DNAH9: variants seen among roughly 807,000 people sequenced by gnomAD.
DNAH9 encodes the protein DNAH9 variant protein.
A neutral mutation model predicts 471.6 loss-of-function variants in DNAH9; 345 were observed. That is an observed-to-expected ratio of 0.73 (90% CI 0.67 to 0.80). DNAH9 has a LOEUF of 0.80. Among genes scored for constraint, DNAH9 ranks in the 30% least tolerant of loss-of-function variants. The pLI, the probability that DNAH9 is intolerant of heterozygous loss-of-function variation, is 0.00. For missense variants in DNAH9, 5,407 were observed against 5,609.2 expected (o/e 0.96, Z 1.15); for synonymous variants, 2,093 against 2,123.6 (o/e 0.99, Z 0.40).
chr17:11,763,722 T>C, intron 36 of DNAH9, 108 bp downstream of exon 36: 1 of 1,099,834 alleles, frequency 9.1e-7, no homozygotes, highest in Non-Finnish European at 1.3e-6. Context: ...AGAATGGACT[T>C]GAAAGCAGCA....
At chr17:11,781,317 C>T in intron 39 of DNAH9, 143 bp downstream of exon 39, 1 of 863,238 alleles carries the variant, frequency 1.2e-6, no homozygotes, top group East Asian at 2.8e-5. Flanking sequence ...CCACATTTCT[C>T]ATTCAATTCT....
chr17:11,619,401 A>C, intron 5 of DNAH9, 147 bp from the exon 6 acceptor site: 1 of 638,490 alleles, frequency 1.6e-6, no homozygotes, highest in Admixed American at 2.6e-5. Context: ...GTCGCAGTCC[A>C]CATGTGGAAT....
At chr17:11,834,347 A>AGAAG (rs1363335391) in intron 48 of DNAH9, among the ~76,000 whole-genome samples, 5 of 149,010 alleles carry the variant, frequency 3.4e-5, no homozygotes, top group African/African-American at 1.0e-4. Flanking sequence ...AAAAAAAAAA[A>AGAAG]AAGAAGAAGA....
rs1316295228 is a variant in DNAH9 at position 11,869,168 on chromosome 17, G to A, written c.9968G>A (p.Arg3323Lys). The A allele has an allele frequency of 6.2e-7, 1 of 1,613,782 alleles. No individual in the cohort carries two copies. The highest frequency in any genetic ancestry group is 1.1e-5 in the South Asian group (1 of 91,028). Residue 3323 changes from arginine (R) to lysine (K), a missense_variant, in exon 51 of 69, where the codon AGG becomes AAG. Arg to Lys is a conservative substitution (Grantham distance 26, BLOSUM62 2). Around this residue, in one of 3 missense-constraint regions of DNAH9, gnomAD observed 4,636 missense variants for 4,900.3 expected, o/e 0.95. Coordinates refer to ENST00000262442, the MANE Select transcript of DNAH9 (RefSeq NM_001372.4). Reference sequence around the variant, plus strand: ...GAAAACCTGGCAAAGCTCACAGCCAGGTTTGAGAAAGCAACAGCAGACAAA... The same window carrying A: ...GAAAACCTGGCAAAGCTCACAGCCAAGTTTGAGAAAGCAACAGCAGACAAA... ...LNENLAKLTARFEKATADKLK... is the reference protein window; with the variant it reads ...LNENLAKLTAKFEKATADKLK...
intron 28 of DNAH9, among the ~76,000 whole-genome samples, chr17:11,734,598 C>T (rs1354530617): frequency 3.9e-5 from 6 of 152,156 alleles, no homozygotes; most frequent in African/African-American, 7.2e-5. Context: ...TCTCCAGGCC[C>T]GGTGGGGCAG....
At chr17:11,631,031 G>A (rs1157351843) in intron 7 of DNAH9, among the ~76,000 whole-genome samples, 9 of 152,158 alleles carry the variant, frequency 5.9e-5, no homozygotes, top group Admixed American at 5.9e-4. Context: ...GTGACTTGGG[G>A]AGGTATAAGT....
At chr17:11,826,698 G>A (rs1488491065) in intron 48 of DNAH9, among the ~76,000 whole-genome samples, 1 of 150,998 alleles carries the variant, frequency 6.6e-6, no homozygotes, top group South Asian at 2.1e-4. Flanking sequence ...TCCTGACCTC[G>A]TGATCCGCCC....
At chr17:11,959,842 C>G (rs1975931058) in intron 67 of DNAH9, among the ~76,000 whole-genome samples, 1 of 152,148 alleles carries the variant, frequency 6.6e-6, no homozygotes, top group Non-Finnish European at 1.5e-5. Context: ...GTAATAAAGT[C>G]CTGTTACTTG....
chr17:11,882,972 C>A, intron 55 of DNAH9: 1 of 985,470 alleles, frequency 1.0e-6, no homozygotes, highest in Non-Finnish European at 1.2e-6. Context: ...GTTCTTCCCA[C>A]GAATCCAAAG....
rs79865089 is a variant in DNAH9, at chr17:11,840,751, G to A, written c.9507+5853G>A. Among the ~76,000 whole-genome samples, 1,361 of 152,284 alleles carry A rather than the reference G, an allele frequency of 8.9e-3. 17 individuals are homozygous for A. The highest frequency in any genetic ancestry group is 0.03 in the African/African-American group (1,245 of 41,552). On this transcript the variant is annotated intron_variant, in intron 49 of 68. Transcript: ENST00000262442. ...AAAAAGGTCGGGAGAAGGAAGTGAC[G>A]TGATGACAGAGGGAGAGGGAAGAAA...
intron 9 of DNAH9, among the ~76,000 whole-genome samples, chr17:11,637,202 G>A (rs1047577015): frequency 6.6e-6 from 1 of 152,120 alleles, no homozygotes; most frequent in Non-Finnish European, 1.5e-5. Context: ...GAACCAGCAG[G>A]AGCCCTCCAA....
rs552959402 is a variant in DNAH9, at chr17:11,806,246, A to G, written c.8421-1486A>G. Among the ~76,000 whole-genome samples, 14 of 152,328 alleles carry G rather than the reference A, an allele frequency of 9.2e-5. No individual in the cohort carries two copies. In the South Asian group the frequency reaches 2.9e-3, roughly 32 times the overall value. The stretch of plus-strand genomic sequence containing the variant: ...GATCAATTCTACCCAGGAAAAGTAC[A>G]TGTCGGTGCCGTCATTCTGCGCGGC... On this transcript the variant is annotated intron_variant, in intron 43 of 68. Transcript: ENST00000262442.
chr17:11,881,190 A>G lies in DNAH9; in HGVS notation c.10602-19A>G, dbSNP rs1567872135. ...TTGCAGGAAGGCACCTTACCTTCAC[A>G]TGAGCCTTTATGTTCCAGATTCATT... On this transcript the variant is annotated intron_variant, in intron 54 of 68. Coordinates refer to ENST00000262442, the MANE Select transcript of DNAH9 (RefSeq NM_001372.4). 2 of 1,614,022 alleles carry G rather than the reference A, an allele frequency of 1.2e-6. No homozygotes were observed. The highest frequency in any genetic ancestry group is 1.7e-6 in the Non-Finnish European group (2 of 1,179,950).
intron 61 of DNAH9, among the ~76,000 whole-genome samples, chr17:11,913,122 T>C (rs1229470158): frequency 2.0e-5 from 3 of 152,084 alleles, no homozygotes; most frequent in African/African-American, 7.2e-5. Context: ...GAGCCAAGGT[T>C]ACACCACTGC....
intron 52 of DNAH9, among the ~76,000 whole-genome samples, chr17:11,872,240 T>C (rs1348961968): frequency 1.3e-5 from 2 of 152,076 alleles, no homozygotes; most frequent in East Asian, 1.9e-4. Context: ...ACAGATATCC[T>C]TCGTCGGCTT....
chr17:11,726,107 A>G (rs1350981645), intron 27 of DNAH9, among the ~76,000 whole-genome samples: 1 of 152,028 alleles, frequency 6.6e-6, no homozygotes, highest in Non-Finnish European at 1.5e-5. Flanking sequence ...TATTTCTTCC[A>G]TAATCTTCCT....
At chr17:11,820,252 G>T (rs1042698947) in intron 45 of DNAH9, among the ~76,000 whole-genome samples, 5 of 151,534 alleles carry the variant, frequency 3.3e-5, no homozygotes, top group African/African-American at 1.2e-4. Flanking sequence ...TCCGGGACAG[G>T]GTTTACACTT....
intron 49 of DNAH9, among the ~76,000 whole-genome samples, chr17:11,841,043 C>A (rs1171569332): frequency 1.3e-5 from 2 of 152,202 alleles, no homozygotes; most frequent in Non-Finnish European, 2.9e-5. Flanking sequence ...AAGTTTCTAT[C>A]CAAAATAGCT....
intron 45 of DNAH9, among the ~76,000 whole-genome samples, chr17:11,810,592 G>T (rs112632040): frequency 5.9e-5 from 9 of 152,154 alleles, no homozygotes; most frequent in Non-Finnish European, 1.2e-4. Flanking sequence ...GACAGTAATC[G>T]TGGAGCTCTC....
Sources: gnomAD v4.1 joint callset for allele counts (sites outside exome capture counted in the v4.1 genomes callset) on GRCh38, gnomAD v4.1.1 for gene constraint, gnomAD v4.1.1 regional missense constraint, MANE v1.5 for transcripts, NCBI Gene and HGNC (gene_info 2026-07-23, HGNC 2026-07-21) for gene names.